Variants in AP5Z1 observed in about 807,000 individuals in gnomAD.
AP5Z1 encodes adaptor related protein complex 5 subunit zeta 1.
AP5Z1 carries 106 observed loss-of-function variants against 83.0 expected under a neutral mutation model. The observed-to-expected ratio is 1.28, with a 90% CI of 1.09 to 1.50. The LOEUF is 1.50. Among genes scored for constraint, AP5Z1 ranks in the 40% most tolerant of loss-of-function variants. The pLI is 0.00. For missense variants in AP5Z1, 1,565 were observed against 1,094.2 expected (o/e 1.43, Z -6.07); for synonymous variants, 751 against 514.1 (o/e 1.46, Z -6.23).
chr7:4,790,077 G>GCTTCAC, intron 14 of AP5Z1, 148 bp downstream of exon 14: 4 of 1,163,808 alleles, frequency 3.4e-6, no homozygotes, highest in Non-Finnish European at 4.6e-6. Flanking sequence ...CCCACCCACA[G>GCTTCAC]CCCCACACCC....
intron 8 of AP5Z1, 31 bp from the exon 9 acceptor site, chr7:4,785,491 C>G (rs575951729): frequency 6.2e-7 from 1 of 1,613,108 alleles, no homozygotes; most frequent in Non-Finnish European, 8.5e-7. Flanking sequence ...GGCAGCGACT[C>G]GGCCCATTTG....
rs948997376 is a variant in AP5Z1, at chr7:4,792,409, G to A, written c.*1024G>A. The stretch of plus-strand genomic sequence containing the variant: ...CGCCCCCAATCCCCCATAGCTCTGC[G>A]ACTAAGAAACCACAGGCTGAAGGCG... On this transcript the variant is annotated 3_prime_UTR_variant, in exon 17 of 17. Transcript: ENST00000649063. 1 of 147,768 alleles carries A rather than the reference G, an allele frequency of 6.8e-6. No individual in the cohort carries two copies. Among genetic ancestry groups the A allele is most frequent in the Non-Finnish European group, 1.5e-5 (1 of 67,512 alleles). 9.2% of individuals were successfully genotyped at this position (147,768 alleles called of 1,614,324 possible).
In AP5Z1 at chr7:4,791,683, G is replaced by A. The variant is rs930496963; in HGVS notation, c.*298G>A. On this transcript the variant is annotated 3_prime_UTR_variant, in exon 17 of 17. Transcript: ENST00000649063. ...GGGTCGGGTGGAGGCTGCTGGGTCT[G>A]TTTCCTAGTCTTTTGTTTTTGGACA... 4.1e-6 allele frequency: 2 copies of A among 485,980 alleles called. No homozygotes were observed. The highest frequency in any genetic ancestry group is 3.8e-5 in the South Asian group (1 of 26,478). 30.1% of individuals were successfully genotyped at this position (485,980 alleles called of 1,614,324 possible). A position where few individuals can be genotyped will look rare whatever the true frequency, so the allele number is the denominator to read the frequency against.
chr7:4,776,130 G>T, intron 1 of AP5Z1, among the ~76,000 whole-genome samples: 1 of 152,202 alleles, frequency 6.6e-6, no homozygotes, highest in Non-Finnish European at 1.5e-5. Context: ...GTGTCCGGAG[G>T]CCTGCTAAGG....
At chr7:4,790,039 G>T in intron 14 of AP5Z1, 110 bp downstream of exon 14, 1 of 1,121,568 alleles carries the variant, frequency 8.9e-7, no homozygotes, top group Non-Finnish European at 1.2e-6. Context: ...CCCTAGCTGG[G>T]CCCTCAGCAG....
At chr7:4,784,119 C>T in intron 5 of AP5Z1, 84 bp from the exon 6 acceptor site, 1 of 1,449,466 alleles carries the variant, frequency 6.9e-7, no homozygotes, top group Non-Finnish European at 9.2e-7. Context: ...GCTTCTCCTC[C>T]ACCTCCTGAG....
Position 4,787,812 on chromosome 7 carries a change from C to G in AP5Z1, c.1454+36C>G, listed in dbSNP as rs1461241572. The G allele has an allele frequency of 2.7e-6, 4 of 1,503,854 alleles. No individual in the cohort carries two copies. The African/African-American group carries it at 4.1e-5, about 16-fold the overall frequency. The allele number at this position is 1,503,854 out of a possible 1,614,324, so 93.2% of individuals were successfully genotyped here. A position where few individuals can be genotyped will look rare whatever the true frequency, so the allele number is the denominator to read the frequency against. On this transcript the variant is annotated intron_variant, in intron 11 of 16. Transcript: ENST00000649063. The stretch of plus-strand genomic sequence containing the variant: ...CACCCTCTGCCAGCGCTGCGTCTCC[C>G]AGCCAGCTGGTTCCACACACTGGGC...
In AP5Z1 at chr7:4,786,220, C is replaced by T. The variant is rs78201739; in HGVS notation, c.1133-30C>T. 7.8e-3 allele frequency: 12,257 copies of T among 1,570,934 alleles called. 596 individuals are homozygous for T. In the South Asian group the frequency reaches 0.094, roughly 12 times the overall value. ...AAGCACGGCCAGGGCGAGGTCAAGA[C>T]GTGTGCCCTGGCGGGCCCTGGTCTT... is the stretch of plus-strand genomic sequence containing the variant. On this transcript the variant is annotated intron_variant, in intron 9 of 16. Coordinates refer to ENST00000649063, the MANE Select transcript of AP5Z1 (RefSeq NM_014855.3).
Position 4,786,288 on chromosome 7 carries a change from C to T in AP5Z1, c.1171C>T (p.His391Tyr), listed in dbSNP as rs772611095. 2.5e-6 allele frequency: 4 copies of T among 1,613,106 alleles called. No homozygotes were observed. The Admixed American group carries it at 6.7e-5, about 27-fold the overall frequency. The stretch of plus-strand genomic sequence containing the variant: ...AGTGGACTCGGAAGCCGTCTACCAG[C>T]ACCTGTTCACCAGGATCCCGGTGGA... The part of the protein sequence containing the change: ...AAVDSEAVYQ[H>Y]LFTRIPVEQF... The change falls in exon 10 of 17, where the codon CAC becomes TAC. Residue 391 changes from histidine (H) to tyrosine (Y), a missense_variant. Physicochemically the swap from His to Tyr is moderately conservative, Grantham distance 83. Transcript: ENST00000649063.
intron 3 of AP5Z1, among the ~76,000 whole-genome samples, chr7:4,783,026 C>T (rs1781426106): frequency 1.3e-5 from 2 of 152,232 alleles, no homozygotes; most frequent in Non-Finnish European, 2.9e-5. Context: ...TGTCCTGTGT[C>T]TGCGGCCAGG....
In AP5Z1 at chr7:4,791,304, C is replaced by T. The variant is rs753981450; in HGVS notation, c.2343C>T (p.Arg781=). The change falls in exon 17 of 17, where the codon CGC becomes CGT. Residue 781 remains arginine, a synonymous_variant. Coordinates refer to ENST00000649063, the MANE Select transcript of AP5Z1 (RefSeq NM_014855.3). ...STEVCSPRYH[R]DANTALPLAL... ...AGGTGTGCAGCCCCCGCTATCACCG[C>T]GATGCCAACACGGCCCTGCCCCTGG... The T allele has an allele frequency of 7.9e-5, 128 of 1,612,228 alleles. No individual in the cohort carries two copies. The highest frequency in any genetic ancestry group is 4.0e-5 in the African/African-American group (3 of 74,944).
At position 4,790,733 on chromosome 7, in the gene AP5Z1, A is replaced by G. The variant is rs769285248; in HGVS notation, c.1999A>G (p.Ile667Val). The change falls in exon 16 of 17, where the codon ATC becomes GTC. Residue 667 changes from isoleucine to valine, a missense_variant. Transcript: ENST00000649063. ...TYDRRCTVEQ[I>V]NKFFEALEAL... ...CGATCGGAGGTGCACCGTGGAGCAG[A>G]TCAACAAGTTCTTCGAAGCCCTGGA... The G allele has an allele frequency of 8.1e-6, 13 of 1,610,934 alleles. No individual in the cohort carries two copies. The highest frequency in any genetic ancestry group is 1.1e-5 in the Non-Finnish European group (13 of 1,179,332).
At chr7:4,784,470 G>T in intron 6 of AP5Z1, 99 bp downstream of exon 6, 1 of 1,397,846 alleles carries the variant, frequency 7.2e-7, no homozygotes, top group East Asian at 2.5e-5. Context: ...GGACTCGGGT[G>T]TGCCCAGGAT....
rs1254828291 is a variant in AP5Z1, at chr7:4,794,383, C to G, written c.*2998C>G. The G allele has an allele frequency of 1.3e-5, 2 of 152,340 alleles. No individual in the cohort carries two copies. Among genetic ancestry groups the G allele is most frequent in the African/African-American group, 4.8e-5 (2 of 41,466 alleles). 9.4% of individuals were successfully genotyped at this position (152,340 alleles called of 1,614,324 possible). A position where few individuals can be genotyped will look rare whatever the true frequency, so the allele number is the denominator to read the frequency against. ...TGTTTGTTCGCTCTTTGCAATAAAT[C>G]TTGCTGCTGCTCACTCTTTGGGTCC... On this transcript the variant is annotated 3_prime_UTR_variant, in exon 17 of 17. Coordinates refer to ENST00000649063, the MANE Select transcript of AP5Z1 (RefSeq NM_014855.3).
At chr7:4,776,606 G>A (rs1180799727) in intron 1 of AP5Z1, among the ~76,000 whole-genome samples, 1 of 151,768 alleles carries the variant, frequency 6.6e-6, no homozygotes, top group African/African-American at 2.4e-5. Context: ...GTGGTGGTGG[G>A]TGACTGTAAT....
Position 4,788,295 on chromosome 7 carries a change from G to A in AP5Z1, c.1595+1G>A, listed in dbSNP as rs1272268584. ...CCAAGGCCAGTGGCGCCACTGAGAG[G>A]TACGGGGCCCTAGGGCCAGGGGGCC... On this transcript the variant is annotated splice_donor_variant, in intron 12 of 16. Coordinates refer to ENST00000649063, the MANE Select transcript of AP5Z1 (RefSeq NM_014855.3). LOFTEE classifies it high-confidence loss of function. The A allele has an allele frequency of 6.3e-7, 1 of 1,585,874 alleles. No individual in the cohort carries two copies. The highest frequency in any genetic ancestry group is 2.3e-5 in the East Asian group (1 of 43,676).
rs1781772006 is a variant in AP5Z1, at chr7:4,791,500, G to A, written c.*115G>A. 3 of 1,419,712 alleles carry A rather than the reference G, an allele frequency of 2.1e-6. No homozygotes were observed. In the South Asian group the frequency reaches 4.4e-5, roughly 21 times the overall value. The allele number at this position is 1,419,712 out of a possible 1,614,324, so 87.9% of individuals were successfully genotyped here. ...GCGGGAGTCCTGGGAGAGGAGGCAAGGCCCACGGTGGGCTTGGCACCCTCA... is the reference window on the plus strand; with the variant it reads ...GCGGGAGTCCTGGGAGAGGAGGCAAAGCCCACGGTGGGCTTGGCACCCTCA... On this transcript the variant is annotated 3_prime_UTR_variant, in exon 17 of 17. Coordinates refer to ENST00000649063, the MANE Select transcript of AP5Z1 (RefSeq NM_014855.3).
At chr7:4,779,286 C>T (rs938665255) in intron 1 of AP5Z1, among the ~76,000 whole-genome samples, 3 of 142,224 alleles carry the variant, frequency 2.1e-5, no homozygotes, top group African/African-American at 5.4e-5. Flanking sequence ...ACGTATATAA[C>T]GCATATAACA....
In AP5Z1 at chr7:4,783,218, A is replaced by G. The variant is rs557135053; in HGVS notation, c.367-98A>G. ...CACCTGCTAGGCCGGGGTCTCAGCG[A>G]CCGACGCTTCTCAGGAGTGTCACAC... On this transcript the variant is annotated intron_variant, in intron 3 of 16. Transcript: ENST00000649063. 1.0e-5 allele frequency: 15 copies of G among 1,454,010 alleles called. No homozygotes were observed. In the South Asian group the frequency reaches 2.0e-4, roughly 20 times the overall value. 90.1% of individuals were successfully genotyped at this position (1,454,010 alleles called of 1,614,324 possible).
Sources: allele counts gnomAD v4.1 joint callset (sites outside exome capture counted in the v4.1 genomes callset), GRCh38; gene constraint gnomAD v4.1.1; transcripts MANE v1.5; gene names NCBI Gene and HGNC (gene_info 2026-07-23, HGNC 2026-07-21).